The following HIVEP3 variants were observed in gnomAD, a reference collection of about 807,000 sequenced individuals.
HIVEP3 encodes the protein transcription factor HIVEP3.
HIVEP3 carries 49 observed loss-of-function variants against 152.8 expected under a neutral mutation model. That is an observed-to-expected ratio of 0.32 (90% CI 0.26 to 0.41). The LOEUF (loss-of-function observed/expected upper bound fraction) is 0.41, where lower values mean the gene tolerates loss of function less well. HIVEP3 is among the 10% of genes least tolerant of loss of function. The probability of loss-of-function intolerance (pLI) is 1.00; values close to 1 mark genes in which losing one functional copy is unlikely to be tolerated. For missense variants in HIVEP3, 2,790 were observed against 3,103.3 expected, an observed-to-expected ratio of 0.90 and a Z score of 2.40; for synonymous variants, 1,269 against 1,289.0, an observed-to-expected ratio of 0.98 and a Z score of 0.33.
chr1:42,013,602 T>C (rs1398832053), intron 1 of HIVEP3, among the ~76,000 whole-genome samples: 1 of 152,214 alleles, frequency 6.6e-6, no homozygotes, highest in African/African-American at 2.4e-5. Flanking sequence ...TGGGGAAATT[T>C]TAAGGGCTGG....
At chr1:41,990,553 G>A (rs1305377965) in intron 1 of HIVEP3, among the ~76,000 whole-genome samples, 8 of 142,140 alleles carry the variant, frequency 5.6e-5, no homozygotes, top group African/African-American at 1.8e-4. Flanking sequence ...TTAATAATGG[G>A]AGACTTTAAC....
At chr1:41,715,118 C>T (rs1443070048) in intron 1 of HIVEP3, among the ~76,000 whole-genome samples, 3 of 152,208 alleles carry the variant, frequency 2.0e-5, no homozygotes, top group African/African-American at 7.2e-5. Flanking sequence ...TGGGCTGCTT[C>T]CTTCAGCTGC....
At position 41,778,163 on chromosome 1, in the gene HIVEP3, G is replaced by A. The variant is rs546449569; in HGVS notation, c.-800-77168C>T. Among the ~76,000 whole-genome samples, 7 of 152,302 alleles carry A rather than the reference G, an allele frequency of 4.6e-5. No individual in the cohort carries two copies. The South Asian group carries it at 1.2e-3, about 27-fold the overall frequency. On this transcript the variant is annotated intron_variant, in intron 1 of 8. Coordinates refer to ENST00000372583, the MANE Select transcript of HIVEP3 (RefSeq NM_024503.5). ...TTTCTCCTTATCTTCGGTAATGAAC[G>A]AAGGAAGAGGGGACAAGCAGAGGGG...
chr1:41,558,692 C>T (rs1163687443), intron 5 of HIVEP3, among the ~76,000 whole-genome samples: 2 of 152,190 alleles, frequency 1.3e-5, no homozygotes, highest in Non-Finnish European at 2.9e-5. Context: ...TCAGCTGCCT[C>T]CATTCCTTGT....
In HIVEP3 at chr1:41,520,874, A is replaced by G. The variant is rs556015907; in HGVS notation, c.5384-2386T>C. On this transcript the variant is annotated intron_variant, in intron 6 of 8. Coordinates refer to ENST00000372583, the MANE Select transcript of HIVEP3 (RefSeq NM_024503.5). Reference sequence around the variant, plus strand: ...GGGCCCAGGTGCTGATGGCACCATTAGACAAGATCACTGGCTGTCTTGGAT... The same window carrying G: ...GGGCCCAGGTGCTGATGGCACCATTGGACAAGATCACTGGCTGTCTTGGAT... Among the ~76,000 whole-genome samples, 22 of 152,306 alleles carry G rather than the reference A, an allele frequency of 1.4e-4. 1 individual carries two copies. The South Asian group carries it at 4.6e-3, about 32-fold the overall frequency.
At chr1:41,566,163 G>C (rs909235140) in intron 5 of HIVEP3, among the ~76,000 whole-genome samples, 1 of 152,168 alleles carries the variant, frequency 6.6e-6, no homozygotes, top group Non-Finnish European at 1.5e-5. Flanking sequence ...AAGAGTCTAA[G>C]TGATTTTCTG....
Position 41,733,034 on chromosome 1 carries a change from A to G in HIVEP3, c.-800-32039T>C, listed in dbSNP as rs76983920. Among the ~76,000 whole-genome samples the G allele has an allele frequency of 4.9e-3, 746 of 152,314 alleles. 5 individuals are homozygous for G. Among genetic ancestry groups the G allele is most frequent in the African/African-American group, 0.014 (587 of 41,564 alleles). On this transcript the variant is annotated intron_variant, in intron 1 of 8. Coordinates refer to ENST00000372583, the MANE Select transcript of HIVEP3 (RefSeq NM_024503.5). The stretch of plus-strand genomic sequence containing the variant: ...AATAAACCAGCAGATGCAGAACTCC[A>G]TCCTGCAAACACAAAGCAGTTCAGA...
intron 5 of HIVEP3, among the ~76,000 whole-genome samples, chr1:41,574,740 C>G (rs1644302093): frequency 6.6e-6 from 1 of 152,296 alleles, no homozygotes; most frequent in South Asian, 2.1e-4. Flanking sequence ...AGGACCAGGC[C>G]ACCCTGATCA....
At chr1:41,619,231 G>A (rs1645012255) in intron 3 of HIVEP3, among the ~76,000 whole-genome samples, 1 of 151,968 alleles carries the variant, frequency 6.6e-6, no homozygotes, top group Non-Finnish European at 1.5e-5. Flanking sequence ...GATACCCCCA[G>A]CACTTGCTCC....
At chr1:41,674,153 C>A (rs914448565) in intron 2 of HIVEP3, among the ~76,000 whole-genome samples, 4 of 152,344 alleles carry the variant, frequency 2.6e-5, no homozygotes, top group South Asian at 4.1e-4. Context: ...ATCCCCGTGT[C>A]GGGAAAGCTG....
chr1:41,641,091 T>C (rs1645365020), intron 2 of HIVEP3, among the ~76,000 whole-genome samples: 1 of 152,238 alleles, frequency 6.6e-6, no homozygotes, highest in Non-Finnish European at 1.5e-5. Context: ...TCTGATCTTT[T>C]AGCTTTACTT....
chr1:41,923,516 T>C (rs150324260), upstream of HIVEP3, among the ~76,000 whole-genome samples: 25 of 152,144 alleles, frequency 1.6e-4, no homozygotes, highest in African/African-American at 4.1e-4. Context: ...AGGAGCAACA[T>C]TGGCCAATGG....
At chr1:41,863,014 T>C (rs1040873112) in intron 1 of HIVEP3, among the ~76,000 whole-genome samples, 3 of 152,180 alleles carry the variant, frequency 2.0e-5, no homozygotes, top group African/African-American at 7.2e-5. Context: ...TGAAATGGAC[T>C]TGAACAGTCT....
intron 1 of HIVEP3, among the ~76,000 whole-genome samples, chr1:41,935,292 A>T (rs1250650414): frequency 2.6e-5 from 4 of 152,126 alleles, no homozygotes; most frequent in Non-Finnish European, 5.9e-5. Context: ...TTAGAACTAG[A>T]ATTAATTCCC....
intron 2 of HIVEP3, among the ~76,000 whole-genome samples, chr1:41,682,561 A>C (rs1646056298): frequency 1.3e-5 from 2 of 152,194 alleles, no homozygotes; most frequent in Non-Finnish European, 2.9e-5. Context: ...CAGAAACACC[A>C]AGAAATACCA....
chr1:42,012,976 C>A (rs1297758416), intron 1 of HIVEP3, among the ~76,000 whole-genome samples: 2 of 152,148 alleles, frequency 1.3e-5, no homozygotes, highest in African/African-American at 4.8e-5. Context: ...AAACTTTATG[C>A]CTTGTGTATT....
In HIVEP3 at chr1:41,547,859, A is replaced by G. The variant is rs75995806; in HGVS notation, c.5208-22949T>C. ...CCTCCACACTCCACGGACACCTTCC[A>G]CCTGACCATGGGCTCCCAGGCCCCT... On this transcript the variant is annotated intron_variant, in intron 5 of 8. Transcript: ENST00000372583. 4.4e-4 allele frequency among the ~76,000 whole-genome samples: 67 copies of G among 150,782 alleles called. No individual in the cohort carries two copies. The East Asian group carries it at 0.013, about 28-fold the overall frequency.
chr1:41,625,188 AAAAAG>A, intron 3 of HIVEP3, among the ~76,000 whole-genome samples: 2 of 127,316 alleles, frequency 1.6e-5, no homozygotes, highest in Middle Eastern at 3.7e-3. Flanking sequence ...AAAAAAAAAA[AAAAAG>A]AATTCCTTAA....
intron 3 of HIVEP3, among the ~76,000 whole-genome samples, chr1:41,623,390 G>T (rs1645072742): frequency 2.6e-5 from 4 of 152,236 alleles, no homozygotes; most frequent in Admixed American, 2.0e-4. Context: ...ACTAAGCTTA[G>T]CACACACTTG....
Sources: allele counts gnomAD v4.1 joint callset (sites outside exome capture counted in the v4.1 genomes callset), GRCh38; gene constraint gnomAD v4.1.1; transcripts MANE v1.5; gene names NCBI Gene and HGNC (gene_info 2026-07-23, HGNC 2026-07-21).